Variants in PKHD1 observed in about 807,000 individuals in gnomAD.
The protein encoded by PKHD1 is PKHD1 ciliary IPT domain containing fibrocystin/polyductin.
PKHD1 carries 291 observed loss-of-function variants against 412.0 expected under a neutral mutation model. That is an observed-to-expected ratio of 0.71 (90% CI 0.64 to 0.78). The LOEUF is 0.78. Ranked by LOEUF, PKHD1 falls within the 30% of genes least tolerant of loss-of-function variation. The pLI, the probability that PKHD1 is intolerant of heterozygous loss-of-function variation, is 0.00. For synonymous variants in PKHD1, 1,777 were observed against 1,821.5 expected (o/e 0.98, Z 0.62); for missense variants, 4,825 against 4,950.7 (o/e 0.97, Z 0.76).
chr6:51,727,816 A>C (rs1479263988), intron 60 of PKHD1, among the ~76,000 whole-genome samples: 1 of 152,146 alleles, frequency 6.6e-6, no homozygotes, highest in African/African-American at 2.4e-5. Flanking sequence ...CCATCAGGAA[A>C]TGGCCTCTTC....
chr6:52,084,807 T>C, intron 2 of PKHD1, 75 bp downstream of exon 2: 1 of 965,290 alleles, frequency 1.0e-6, no homozygotes, highest in Non-Finnish European at 1.7e-6. Flanking sequence ...AATATTACTT[T>C]AAGTTTCAAT....
chr6:51,949,063 C>G (rs76461312), intron 36 of PKHD1, among the ~76,000 whole-genome samples: 4,214 of 152,132 alleles, frequency 0.028, 117 homozygotes, highest in East Asian at 0.11. Context: ...TAAATGGAGG[C>G]AAGACCAGGG....
At chr6:52,053,929 T>C (rs2128204999) in intron 20 of PKHD1, 109 bp downstream of exon 20, 1 of 1,136,660 alleles carries the variant, frequency 8.8e-7, no homozygotes, top group Non-Finnish European at 1.3e-6. Flanking sequence ...AATTAGTGTA[T>C]GAGGCCCAAA....
chr6:51,849,596 A>C (rs1156644420), intron 49 of PKHD1, among the ~76,000 whole-genome samples: 1 of 152,150 alleles, frequency 6.6e-6, no homozygotes, highest in East Asian at 1.9e-4. Flanking sequence ...TCTGACTGGC[A>C]TGAGATGGTA....
At chr6:51,900,670 T>C (rs1449777828) in intron 43 of PKHD1, among the ~76,000 whole-genome samples, 7 of 151,604 alleles carry the variant, frequency 4.6e-5, no homozygotes, top group Non-Finnish European at 5.9e-5. Context: ...AATTGACAAA[T>C]GGGATCTAAT....
chr6:51,687,115 T>C (rs1436305594), intron 60 of PKHD1, among the ~76,000 whole-genome samples: 2 of 151,994 alleles, frequency 1.3e-5, no homozygotes, highest in Non-Finnish European at 2.9e-5. Context: ...AGGGAAGAAA[T>C]GGATAATACT....
chr6:51,712,907 T>C (rs938840437), intron 60 of PKHD1, among the ~76,000 whole-genome samples: 2 of 152,256 alleles, frequency 1.3e-5, no homozygotes, highest in Non-Finnish European at 1.5e-5. Flanking sequence ...AAAGGCATAA[T>C]TGGATCTTCC....
intron 52 of PKHD1, among the ~76,000 whole-genome samples, chr6:51,807,028 C>T (rs916685073): frequency 4.6e-5 from 7 of 152,124 alleles, no homozygotes; most frequent in African/African-American, 1.7e-4. Flanking sequence ...ACTTGGGACA[C>T]ACTTTCAGTT....
chr6:51,995,939 G>A (rs942522088), intron 35 of PKHD1, among the ~76,000 whole-genome samples: 2 of 151,924 alleles, frequency 1.3e-5, no homozygotes, highest in African/African-American at 2.4e-5. Context: ...CCCTGGGAGG[G>A]ACTCAGACAA....
chr6:52,069,952 C>T (rs903072628), intron 10 of PKHD1, among the ~76,000 whole-genome samples: 1 of 152,116 alleles, frequency 6.6e-6, no homozygotes, highest in Admixed American at 6.5e-5. Flanking sequence ...AACAGAAACA[C>T]CTGTCAAATT....
intron 60 of PKHD1, among the ~76,000 whole-genome samples, chr6:51,684,747 T>C (rs1345116949): frequency 6.6e-6 from 1 of 152,090 alleles, no homozygotes; most frequent in Non-Finnish European, 1.5e-5. Flanking sequence ...TTAAGCAGCA[T>C]ACTGCATGCC....
At chr6:51,804,665 C>A (rs947536474) in intron 52 of PKHD1, among the ~76,000 whole-genome samples, 1 of 152,064 alleles carries the variant, frequency 6.6e-6, no homozygotes, top group Non-Finnish European at 1.5e-5. Flanking sequence ...ATGAGAGTAA[C>A]AGTGAGGGAT....
rs1056519584 is a variant in PKHD1, at chr6:52,053,016, C to A, written c.2140+60G>T. On this transcript the variant is annotated intron_variant, in intron 21 of 66. Coordinates refer to ENST00000371117, the MANE Select transcript of PKHD1 (RefSeq NM_138694.4). ...CATTAAAAAAAACAGTAACCCCTAG[C>A]AGGAAAGTTTGAGGTAGGCATGTGA... The A allele has an allele frequency of 2.6e-6, 4 of 1,515,574 alleles. No individual in the cohort carries two copies. The South Asian group carries it at 4.5e-5, about 17-fold the overall frequency. 93.9% of individuals were successfully genotyped at this position (1,515,574 alleles called of 1,614,324 possible). A position where few individuals can be genotyped will look rare whatever the true frequency, so the allele number is the denominator to read the frequency against.
chr6:51,971,253 T>C (rs1793626692), intron 35 of PKHD1, among the ~76,000 whole-genome samples: 1 of 152,220 alleles, frequency 6.6e-6, no homozygotes. Flanking sequence ...TGGTCATTTG[T>C]TATGCAGCAA....
intron 60 of PKHD1, among the ~76,000 whole-genome samples, chr6:51,669,374 T>G (rs1774477630): frequency 6.6e-6 from 1 of 152,242 alleles, no homozygotes; most frequent in Non-Finnish European, 1.5e-5. Flanking sequence ...TTTGTATTTC[T>G]GTGGGATCGG....
At chr6:51,950,431 A>C (rs543392376) in intron 36 of PKHD1, among the ~76,000 whole-genome samples, 17 of 152,140 alleles carry the variant, frequency 1.1e-4, no homozygotes, top group Admixed American at 3.9e-4. Flanking sequence ...CCTTTGGGAA[A>C]TGAGTAGTTG....
Position 51,914,407 on chromosome 6 carries a change from G to C in PKHD1, c.6122-1831C>G, listed in dbSNP as rs144021534. ...GCAAAAATAACACCTCTATGTGTATGGTTAAAACATCAAGCCTGGATGTTT... is the reference window on the plus strand; with the variant it reads ...GCAAAAATAACACCTCTATGTGTATCGTTAAAACATCAAGCCTGGATGTTT... On this transcript the variant is annotated intron_variant, in intron 37 of 66. Transcript: ENST00000371117. 1.6e-4 allele frequency among the ~76,000 whole-genome samples: 24 copies of C among 152,162 alleles called. No homozygotes were observed. The East Asian group carries it at 3.7e-3, about 23-fold the overall frequency.
intron 33 of PKHD1, among the ~76,000 whole-genome samples, chr6:52,019,927 C>A (rs1183966167): frequency 6.6e-6 from 1 of 151,946 alleles, no homozygotes; most frequent in African/African-American, 2.4e-5. Flanking sequence ...TTTGTAGAGC[C>A]CCCTGCTTTA....
At position 51,677,143 on chromosome 6, in the gene PKHD1, T is replaced by C. The variant is rs1047778104; in HGVS notation, c.10157-17174A>G. ...CTAAGTACAATTATAATAGTTATTA[T>C]TACAAGTAATATGAGAAACTTAAAG... On this transcript the variant is annotated intron_variant, in intron 60 of 66. Coordinates refer to ENST00000371117, the MANE Select transcript of PKHD1 (RefSeq NM_138694.4). Among the ~76,000 whole-genome samples, 5 of 152,194 alleles carry C rather than the reference T, an allele frequency of 3.3e-5. No individual in the cohort carries two copies. In the East Asian group the frequency reaches 7.7e-4, roughly 23 times the overall value.
Sources: allele counts gnomAD v4.1 joint callset (sites outside exome capture counted in the v4.1 genomes callset), GRCh38; gene constraint gnomAD v4.1.1; transcripts MANE v1.5; gene names NCBI Gene and HGNC (gene_info 2026-07-23, HGNC 2026-07-21).